The following ZNF568 variants were observed in gnomAD, a reference collection of about 807,000 sequenced individuals.
ZNF568 encodes p53 inhibitor of SCO2 activation.
In ZNF568, 11 loss-of-function variants were observed where a neutral mutation model predicts 18.1. The observed-to-expected ratio is 0.61, with a 90% CI of 0.38 to 1.00. The LOEUF (loss-of-function observed/expected upper bound fraction) is 1.00, where lower values mean the gene tolerates loss of function less well. Among genes scored for constraint, ZNF568 ranks in the 50% least tolerant of loss-of-function variants. ZNF568 has a pLI of 0.01. For synonymous variants in ZNF568, 213 were observed against 246.6 expected (o/e 0.86, Z 1.28); for missense variants, 639 against 768.2 (o/e 0.83, Z 1.99).
At position 36,952,055 on chromosome 19, in the gene ZNF568, T is replaced by TTTTTTAA. The variant is rs1491387376; in HGVS notation, c.*967_*968insTTTTTAA. 1.1e-6 allele frequency: 1 copy of TTTTTTAA among 951,786 alleles called. No individual in the cohort carries two copies. The highest frequency in any genetic ancestry group is 1.2e-6 in the Non-Finnish European group (1 of 807,502). 59.0% of individuals were successfully genotyped at this position (951,786 alleles called of 1,614,324 possible). A position where few individuals can be genotyped will look rare whatever the true frequency, so the allele number is the denominator to read the frequency against. On this transcript the variant is annotated 3_prime_UTR_variant, in exon 7 of 7. Coordinates refer to ENST00000333987, the MANE Select transcript of ZNF568 (RefSeq NM_198539.4). Reference sequence around the variant, plus strand: ...CCAAGGAGCTTTTTTTTTTTTTTTTTCAAGACAAAAGGACTCTGTAATTCC... The same window carrying TTTTTTAA: ...CCAAGGAGCTTTTTTTTTTTTTTTTTTTTTTAACAAGACAAAAGGACTCTGTAATTCC...
At chr19:36,925,356 G>A in intron 4 of ZNF568, 98 bp downstream of exon 4, 1 of 1,093,538 alleles carries the variant, frequency 9.1e-7, no homozygotes, top group Non-Finnish European at 1.3e-6. Context: ...ATAAATTGAT[G>A]AAAATAAAAG....
At position 36,970,310 on chromosome 19, in the gene ZNF568, ACTT is replaced by A. The variant is rs749723088; in HGVS notation, c.359-4109_359-4107del. Among the ~76,000 whole-genome samples, 106 of 125,958 alleles carry A rather than the reference ACTT, an allele frequency of 8.4e-4. 26 individuals are homozygous for A. Among genetic ancestry groups the A allele is most frequent in the Non-Finnish European group, 1.6e-3 (90 of 57,762 alleles). 82.6% of individuals were successfully genotyped at this position (125,958 alleles called of 152,430 possible). ...ATCTATAACCACAAATGAAATTAAT[ACTT>A]TTCTTTTGGCCTGTCTTTATTGAAT... On this transcript the variant is annotated intron_variant, in intron 6 of 7. Coordinates refer to the ZNF568 transcript ENST00000427117.
At chr19:36,918,615 T>G (rs1404907915) in intron 2 of ZNF568, among the ~76,000 whole-genome samples, 1 of 152,182 alleles carries the variant, frequency 6.6e-6, no homozygotes, top group Non-Finnish European at 1.5e-5. Context: ...TACACACATG[T>G]ATATTTAATT....
At chr19:36,972,822 G>A (rs2146333265) in intron 6 of ZNF568, among the ~76,000 whole-genome samples, 1 of 152,320 alleles carries the variant, frequency 6.6e-6, no homozygotes, top group Middle Eastern at 3.4e-3. Context: ...CCCACTCCCT[G>A]ACCCTCCGTT....
At chr19:36,919,720 C>G (rs957336212) in intron 2 of ZNF568, among the ~76,000 whole-genome samples, 1 of 152,010 alleles carries the variant, frequency 6.6e-6, no homozygotes, top group Non-Finnish European at 1.5e-5. Flanking sequence ...GGTTGAGGAC[C>G]CCTGCTGTAA....
chr19:36,924,852 T>A (rs982104303), intron 3 of ZNF568, among the ~76,000 whole-genome samples: 4 of 150,762 alleles, frequency 2.7e-5, no homozygotes, highest in Admixed American at 1.3e-4. Context: ...GAAAAAAAAA[T>A]TTTAAAGATC....
At chr19:36,971,158 G>A (rs1458879002) in intron 6 of ZNF568, among the ~76,000 whole-genome samples, 3 of 151,870 alleles carry the variant, frequency 2.0e-5, no homozygotes, top group South Asian at 2.1e-4. Flanking sequence ...ACTTGAACCC[G>A]GGAGGCAGAG....
At chr19:36,996,174 A>G in intron 4 of ZNF568, 1 of 754,922 alleles carries the variant, frequency 1.3e-6, no homozygotes. Context: ...TCGTTTTCTC[A>G]TTTTTCACTT....
downstream of ZNF568, among the ~76,000 whole-genome samples, chr19:36,980,772 A>G (rs1391984848): frequency 1.3e-5 from 2 of 152,324 alleles, no homozygotes; most frequent in East Asian, 1.9e-4. Context: ...AAGCTTCATT[A>G]CATAGGCATC....
Position 36,950,330 on chromosome 19 carries a change from A to G in ZNF568, c.1177A>G (p.Asn393Asp). 9.3e-6 allele frequency: 15 copies of G among 1,613,944 alleles called. No individual in the cohort carries two copies. Among genetic ancestry groups the G allele is most frequent in the Non-Finnish European group, 1.3e-5 (15 of 1,179,842 alleles). ...SHTGEKPYKC[N>D]KCGKAFSQCS... is the part of the protein sequence containing the mutation. ...CACAGGGGAGAAACCCTATAAATGT[A>G]ATAAATGTGGAAAAGCTTTCTCTCA... Residue 393 changes from asparagine (N) to aspartate (D), a missense_variant, in exon 7 of 7, where the codon AAT becomes GAT. Transcript: ENST00000333987.
chr19:36,949,802 T>C lies in ZNF568; in HGVS notation c.649T>C (p.Tyr217His), dbSNP rs1257508796. 1 of 1,613,884 alleles carries C rather than the reference T, an allele frequency of 6.2e-7. No individual in the cohort carries two copies. Among genetic ancestry groups the C allele is most frequent in the Non-Finnish European group, 8.5e-7 (1 of 1,179,946 alleles). The change falls in exon 7 of 7, where the codon TAT becomes CAT. Residue 217 changes from tyrosine (Y) to histidine (H), a missense_variant. Transcript: ENST00000333987. ...GAAACCATTTTACCATTGTGCATCCTATGTTGTAACCCCCTTTAAGTGTAA... is the reference window on the plus strand; with the variant it reads ...GAAACCATTTTACCATTGTGCATCCCATGTTGTAACCCCCTTTAAGTGTAA... ...FGKPFYHCAS[Y>H]VVTPFKCNQC...
downstream of ZNF568, among the ~76,000 whole-genome samples, chr19:36,952,950 CTG>C (rs1445432748): frequency 1.3e-5 from 2 of 152,188 alleles, no homozygotes; most frequent in African/African-American, 2.4e-5. Flanking sequence ...CTTGATGATG[CTG>C]TGTTTTTATA....
At chr19:36,997,929 T>TC (rs2146355881), downstream of ZNF568, 1 of 292,252 alleles carries the variant, frequency 3.4e-6, no homozygotes, top group South Asian at 3.9e-5. Flanking sequence ...GAGGCCTTTT[T>TC]GGTGGCTCAG....
downstream of ZNF568, among the ~76,000 whole-genome samples, chr19:36,953,666 C>T (rs900338428): frequency 6.6e-6 from 1 of 152,176 alleles, no homozygotes; most frequent in Non-Finnish European, 1.5e-5. Flanking sequence ...AAACCCAGCG[C>T]TTTGGGAGGC....
At chr19:36,940,516 A>G (rs2073862739) in intron 6 of ZNF568, among the ~76,000 whole-genome samples, 2 of 152,344 alleles carry the variant, frequency 1.3e-5, no homozygotes, top group South Asian at 4.1e-4. Context: ...TAAATGAGTC[A>G]TGATTGATGT....
intron 2 of ZNF568, among the ~76,000 whole-genome samples, chr19:36,919,911 A>T (rs141068940): frequency 1.7e-4 from 26 of 152,310 alleles, no homozygotes; most frequent in African/African-American, 5.5e-4. Flanking sequence ...TGGTAATGAT[A>T]ATAAATATGT....
downstream of ZNF568, among the ~76,000 whole-genome samples, chr19:36,984,560 T>G (rs1644665): frequency 0.53 from 80,553 of 151,464 alleles, 21,891 homozygotes; most frequent in African/African-American, 0.61. Context: ...TTGAGTGTTA[T>G]CTTAGATTAT....
chr19:36,959,008 C>T (rs1281686367), intron 6 of ZNF568, among the ~76,000 whole-genome samples: 1 of 152,100 alleles, frequency 6.6e-6, no homozygotes, highest in Non-Finnish European at 1.5e-5. Flanking sequence ...ATTTGGATAC[C>T]TTTTATTTCT....
intron 2 of ZNF568, among the ~76,000 whole-genome samples, chr19:36,918,701 C>A (rs2073396454): frequency 6.6e-6 from 1 of 152,166 alleles, no homozygotes; most frequent in Non-Finnish European, 1.5e-5. Context: ...GAAGTACATT[C>A]ACATTGTTAT....
Sources: allele counts gnomAD v4.1 joint callset (sites outside exome capture counted in the v4.1 genomes callset), GRCh38; gene constraint gnomAD v4.1.1; transcripts MANE v1.5; gene names NCBI Gene and HGNC (gene_info 2026-07-23, HGNC 2026-07-21).